Variants in SLC29A4 observed in about 807,000 individuals in gnomAD.
SLC29A4 encodes the protein solute carrier family 29 member 4, also known as equilibrative nucleoside transporter 4.
Under a neutral mutation model 43.9 loss-of-function variants are expected in SLC29A4, and 36 were observed. That is an observed-to-expected ratio of 0.82 (90% CI 0.63 to 1.08). The LOEUF is 1.08. SLC29A4 is among the 50% of genes least tolerant of loss of function. SLC29A4 has a pLI of 0.00. For missense variants in SLC29A4, 869 were observed against 755.3 expected, an observed-to-expected ratio of 1.15 and a Z score of -1.77; for synonymous variants, 491 against 338.0, an observed-to-expected ratio of 1.45 and a Z score of -4.97.
chr7:5,284,880 C>G (rs1267708163), intron 1 of SLC29A4, among the ~76,000 whole-genome samples: 1 of 152,196 alleles, frequency 6.6e-6, no homozygotes, highest in Non-Finnish European at 1.5e-5. Context: ...CCGGGCAAGG[C>G]AGAAACCTCG....
Position 5,299,262 on chromosome 7 carries a change from G to A in SLC29A4, c.1044G>A (p.Val348=), listed in dbSNP as rs150664365. Residue 348 remains valine (V), a synonymous_variant, in exon 9 of 11, where the codon GTG becomes GTA. Coordinates refer to ENST00000396872, the MANE Select transcript of SLC29A4 (RefSeq NM_153247.4). ...CAGCCCTGTTACTGCACCGCTACGT[G>A]GTGGCGCGGGTGATCTGGGCCGACA... ...TFRALLLHRY[V]VARVIWADML... 105 of 1,612,176 alleles carry A rather than the reference G, an allele frequency of 6.5e-5. No individual in the cohort carries two copies. The African/African-American group carries it at 1.3e-3, about 19-fold the overall frequency.
chr7:5,291,026 C>A (rs1785269898), intron 3 of SLC29A4, 98 bp from the exon 4 acceptor site: 2 of 1,538,904 alleles, frequency 1.3e-6, no homozygotes, highest in South Asian at 1.2e-5. Flanking sequence ...CACTCACCCT[C>A]TGTGGGCAGC....
intron 2 of SLC29A4, among the ~76,000 whole-genome samples, chr7:5,289,102 A>G (rs1162571313): frequency 6.6e-6 from 1 of 152,170 alleles, no homozygotes; most frequent in African/African-American, 2.4e-5. Context: ...TTAGGCTCAG[A>G]AACCTGGGCT....
chr7:5,297,315 C>G lies in SLC29A4; in HGVS notation c.882+117C>G, dbSNP rs1224376340. The G allele has an allele frequency of 6.5e-6, 8 of 1,228,180 alleles. No homozygotes were observed. The South Asian group carries it at 9.8e-5, about 15-fold the overall frequency. The allele number at this position is 1,228,180 out of a possible 1,614,324, so 76.1% of individuals were successfully genotyped here. A position where few individuals can be genotyped will look rare whatever the true frequency, so the allele number is the denominator to read the frequency against. On this transcript the variant is annotated intron_variant, in intron 7 of 10. Transcript: ENST00000396872. ...CCTGCATCCCAGACTGTGGTCTCCT[C>G]CTGTGGTGGAGACTCCTTCCTGCCA...
intron 1 of SLC29A4, among the ~76,000 whole-genome samples, chr7:5,287,542 A>G (rs1394950657): frequency 6.6e-6 from 1 of 152,230 alleles, no homozygotes; most frequent in African/African-American, 2.4e-5. Flanking sequence ...GCATGGCATC[A>G]ATGTGGTGAA....
intron 6 of SLC29A4, 148 bp from the exon 7 acceptor site, chr7:5,296,788 G>A: frequency 1.1e-6 from 1 of 881,424 alleles, no homozygotes; most frequent in Non-Finnish European, 1.6e-6. Context: ...GCCTGTGGTG[G>A]AGGGCGGGGC....
At chr7:5,296,375 C>T (rs1296539921) in intron 6 of SLC29A4, among the ~76,000 whole-genome samples, 1 of 150,700 alleles carries the variant, frequency 6.6e-6, no homozygotes, top group Non-Finnish European at 1.5e-5. Context: ...GGGTAAATGC[C>T]CCATGGTGGG....
intron 7 of SLC29A4, among the ~76,000 whole-genome samples, 193 bp from the exon 8 acceptor site, chr7:5,298,795 C>T (rs1248975730): frequency 3.3e-5 from 5 of 152,154 alleles, no homozygotes; most frequent in East Asian, 1.9e-4. Flanking sequence ...GCAAGACCCT[C>T]TCTCTAAAAC....
intron 6 of SLC29A4, among the ~76,000 whole-genome samples, chr7:5,296,146 G>C (rs1038662750): frequency 2.6e-5 from 4 of 152,062 alleles, no homozygotes; most frequent in Non-Finnish European, 4.4e-5. Context: ...CTGCACTCCC[G>C]GCCCTGTCCT....
intron 6 of SLC29A4, among the ~76,000 whole-genome samples, chr7:5,295,797 C>T (rs554371949): frequency 1.5e-5 from 2 of 133,120 alleles, no homozygotes; most frequent in Admixed American, 7.4e-5. Context: ...TGGTTCCTGT[C>T]GCTGGCAGGT....
In SLC29A4 at chr7:5,287,821, G is replaced by A. The variant is rs1293398481; in HGVS notation, c.5G>A (p.Gly2Asp). Residue 2 changes from glycine to aspartate, a missense_variant, in exon 2 of 11, where the codon GGC (glycine) becomes GAC (aspartate). Coordinates refer to ENST00000396872, the MANE Select transcript of SLC29A4 (RefSeq NM_153247.4). Reference sequence around the variant, plus strand: ...TTCTCCAAAGCAGAGGCTGCCATGGGCTCCGTGGGGAGCCAGCGCCTTGAG... The same window carrying A: ...TTCTCCAAAGCAGAGGCTGCCATGGACTCCGTGGGGAGCCAGCGCCTTGAG... M[G>D]SVGSQRLEEP... 2 of 1,610,896 alleles carry A rather than the reference G, an allele frequency of 1.2e-6. No individual in the cohort carries two copies. The highest frequency in any genetic ancestry group is 3.3e-5 in the Admixed American group (2 of 59,856).
In SLC29A4 at chr7:5,298,317, C is replaced by T. The variant is rs189076205; in HGVS notation, c.883-671C>T. ...GGCTTTTGGGCTAAGACCTGACCCACAGGAAGCGTGTTGGGGCAGAGGGAA... is the reference window on the plus strand; with the variant it reads ...GGCTTTTGGGCTAAGACCTGACCCATAGGAAGCGTGTTGGGGCAGAGGGAA... On this transcript the variant is annotated intron_variant, in intron 7 of 10. Transcript: ENST00000396872. 2.2e-3 allele frequency among the ~76,000 whole-genome samples: 337 copies of T among 152,252 alleles called. 1 individual carries two copies. The highest frequency in any genetic ancestry group is 7.7e-3 in the African/African-American group (319 of 41,552).
chr7:5,299,716 C>T (rs1215570761), intron 9 of SLC29A4, among the ~76,000 whole-genome samples: 4 of 152,160 alleles, frequency 2.6e-5, no homozygotes, highest in Non-Finnish European at 5.9e-5. Context: ...CAGGAGGATG[C>T]CCCAGAGGGG....
rs752091099 is a variant in SLC29A4, at chr7:5,290,874, C to G, written c.301+11C>G. 1.2e-6 allele frequency: 2 copies of G among 1,603,884 alleles called. No individual in the cohort carries two copies. Among genetic ancestry groups the G allele is most frequent in the South Asian group, 1.1e-5 (1 of 90,176 alleles). On this transcript the variant is annotated intron_variant, in intron 3 of 10. Coordinates refer to ENST00000396872, the MANE Select transcript of SLC29A4 (RefSeq NM_153247.4). ...ATCACAAGTACCCAGGTGGGTCCCT[C>G]CACGGTCACGCCCAGCCACTCAGCA...
At chr7:5,291,662 C>A in intron 4 of SLC29A4, 31 bp from the exon 5 acceptor site, 10 of 1,560,276 alleles carry the variant, frequency 6.4e-6, no homozygotes, top group Non-Finnish European at 8.7e-6. Flanking sequence ...GTTGGCTCCA[C>A]CACTCCCCTC....
At chr7:5,290,605 G>T (rs1785241087) in intron 2 of SLC29A4, 127 bp from the exon 3 acceptor site, 3 of 1,261,526 alleles carry the variant, frequency 2.4e-6, no homozygotes, top group Middle Eastern at 1.9e-4. Context: ...GGAACAGAGG[G>T]GAGCAGGGGT....
chr7:5,291,969 C>T, intron 5 of SLC29A4, 148 bp downstream of exon 5: 1 of 1,053,814 alleles, frequency 9.5e-7, no homozygotes, highest in Admixed American at 2.7e-5. Flanking sequence ...TGCCAGCGTG[C>T]ACACCGGCTC....
Position 5,290,831 on chromosome 7 carries a change from C to G in SLC29A4, c.269C>G (p.Thr90Arg). 1.2e-6 allele frequency: 2 copies of G among 1,613,666 alleles called. No homozygotes were observed. The highest frequency in any genetic ancestry group is 1.7e-5 in the Admixed American group (1 of 60,016). The part of the protein sequence containing the change: ...GFLLPYNSFI[T>R]DVDYLHHKYP... ...CTGCTGCCATACAACAGCTTCATCACGGACGTGGACTACCTGCATCACAAG... is the reference window on the plus strand; with the variant it reads ...CTGCTGCCATACAACAGCTTCATCAGGGACGTGGACTACCTGCATCACAAG... Residue 90 changes from threonine (T) to arginine (R), a missense_variant, in exon 3 of 11, where the codon ACG becomes AGG. Coordinates refer to ENST00000396872, the MANE Select transcript of SLC29A4 (RefSeq NM_153247.4).
chr7:5,297,796 A>C (rs1785817315), intron 7 of SLC29A4, among the ~76,000 whole-genome samples: 1 of 152,060 alleles, frequency 6.6e-6, no homozygotes, highest in Non-Finnish European at 1.5e-5. Flanking sequence ...ATAGGCGGAG[A>C]GGGAGGGCCA....
Sources: gnomAD v4.1 joint callset for allele counts (sites outside exome capture counted in the v4.1 genomes callset) on GRCh38, gnomAD v4.1.1 for gene constraint, MANE v1.5 for transcripts, NCBI Gene and HGNC (gene_info 2026-07-23, HGNC 2026-07-21) for gene names.